Variants in ZDHHC7 observed in about 807,000 individuals in gnomAD.
ZDHHC7 encodes palmitoyltransferase ZDHHC7.
Under a neutral mutation model 34.1 loss-of-function variants are expected in ZDHHC7, and 12 were observed. That is an observed-to-expected ratio of 0.35 (90% confidence interval 0.23 to 0.57). ZDHHC7 has a LOEUF of 0.57. Among genes scored for constraint, ZDHHC7 ranks in the 20% least tolerant of loss-of-function variants. The pLI is 0.84. For synonymous variants in ZDHHC7, 185 were observed against 155.4 expected (o/e 1.19, Z -1.42); for missense variants, 388 against 402.7 (o/e 0.96, Z 0.31).
At chr16:85,025,144 G>A in the ZDHHC7 span, among the ~76,000 whole-genome samples, 16 of 152,172 alleles carry the variant, frequency 1.1e-4, no homozygotes, top group African/African-American at 3.1e-4. Flanking sequence ...CAGGCATGGC[G>A]GTGCGCACCT....
chr16:84,984,446 A>C (rs1307688598), intron 3 of ZDHHC7, among the ~76,000 whole-genome samples: 1 of 152,196 alleles, frequency 6.6e-6, no homozygotes, highest in East Asian at 1.9e-4. Context: ...CCTCAGAGGA[A>C]ATGGGCCAGA....
the ZDHHC7 span, among the ~76,000 whole-genome samples, chr16:85,023,700 C>T: frequency 2.0e-5 from 3 of 152,182 alleles, no homozygotes; most frequent in East Asian, 3.9e-4. Flanking sequence ...CTCACTGCAA[C>T]CTTGACCTCC....
the ZDHHC7 span, among the ~76,000 whole-genome samples, chr16:85,025,650 C>T: frequency 6.6e-6 from 1 of 152,144 alleles, no homozygotes; most frequent in Non-Finnish European, 1.5e-5. Flanking sequence ...CCTCATGATC[C>T]GCCCGCCTCG....
Position 84,979,203 on chromosome 16 carries a change from A to G in ZDHHC7, c.523T>C (p.Phe175Leu), listed in dbSNP as rs968553267. 1 of 1,597,914 alleles carries G rather than the reference A, an allele frequency of 6.3e-7. No homozygotes were observed. The highest frequency in any genetic ancestry group is 8.5e-7 in the Non-Finnish European group (1 of 1,175,942). The change falls in exon 5 of 8, where the codon TTT (phenylalanine) becomes CTT (leucine). Residue 175 changes from phenylalanine to leucine, a missense_variant. Coordinates refer to ENST00000313732, the MANE Select transcript of ZDHHC7 (RefSeq NM_017740.3). ...TTTTTACTTACAGTGAAGAGCACAA[A>G]AAATCTTTGATTCTTTTCTCCTACA... ...NCVGEKNQRFFVLFTMYIALS... is the reference protein window; with the variant it reads ...NCVGEKNQRFLVLFTMYIALS...
chr16:84,981,266 G>A (rs1337668791), intron 4 of ZDHHC7, among the ~76,000 whole-genome samples: 6 of 152,218 alleles, frequency 3.9e-5, no homozygotes, highest in African/African-American at 1.4e-4. Flanking sequence ...GGCTACTTGA[G>A]CCAGGCAGAT....
chr16:85,013,203 C>T (rs192115753), upstream of ZDHHC7, among the ~76,000 whole-genome samples: 2 of 152,122 alleles, frequency 1.3e-5, no homozygotes, highest in Non-Finnish European at 2.9e-5. Context: ...ACTCCTTTGT[C>T]CTGTCATTTC....
At chr16:84,978,146 T>C (rs1023731706) in intron 5 of ZDHHC7, 141 bp from the exon 6 acceptor site, 23 of 575,532 alleles carry the variant, frequency 4.0e-5, no homozygotes, top group Non-Finnish European at 9.2e-6. Context: ...CAAGCGATTC[T>C]CCTGCCTCAG....
At chr16:85,000,193 T>G (rs1353985665) in intron 1 of ZDHHC7, among the ~76,000 whole-genome samples, 1 of 152,016 alleles carries the variant, frequency 6.6e-6, no homozygotes, top group East Asian at 1.9e-4. Context: ...CATGCCTCAA[T>G]TAAAAACATG....
At chr16:85,006,296 C>T (rs548068426) in intron 1 of ZDHHC7, among the ~76,000 whole-genome samples, 92 of 152,238 alleles carry the variant, frequency 6.0e-4, no homozygotes, top group African/African-American at 2.2e-3. Flanking sequence ...GCGTTCAAGG[C>T]TGCAGTGAGC....
chr16:85,024,237 T>TG, the ZDHHC7 span, among the ~76,000 whole-genome samples: 38 of 147,068 alleles, frequency 2.6e-4, no homozygotes, highest in South Asian at 7.3e-3. Context: ...TTTGTTTTTT[T>TG]TTTTTTTTTT....
the ZDHHC7 span, among the ~76,000 whole-genome samples, chr16:85,025,659 C>T: frequency 6.6e-6 from 1 of 152,168 alleles, no homozygotes; most frequent in Non-Finnish European, 1.5e-5. Context: ...CCGCCCGCCT[C>T]GACCTCCCAA....
chr16:85,008,968 C>T (rs1387451755), intron 1 of ZDHHC7, among the ~76,000 whole-genome samples: 1 of 151,548 alleles, frequency 6.6e-6, no homozygotes, highest in Non-Finnish European at 1.5e-5. Context: ...TCGCTTTAAC[C>T]CAGGAGGTAG....
chr16:84,998,125 G>C (rs770157319), intron 1 of ZDHHC7, among the ~76,000 whole-genome samples: 1 of 151,000 alleles, frequency 6.6e-6, no homozygotes. Context: ...TTAGCCGGGC[G>C]TGGTGGCGGG....
At chr16:84,981,769 G>C (rs2072371727) in intron 4 of ZDHHC7, 101 bp downstream of exon 4, 1 of 1,589,868 alleles carries the variant, frequency 6.3e-7, no homozygotes, top group African/African-American at 1.3e-5. Context: ...AGATGCTCGG[G>C]GGCCATGTAC....
chr16:84,980,150 G>A (rs1411605450), intron 4 of ZDHHC7, among the ~76,000 whole-genome samples: 3 of 151,030 alleles, frequency 2.0e-5, no homozygotes, highest in Non-Finnish European at 4.4e-5. Flanking sequence ...ATTTTTAGTA[G>A]AGATGGGGGT....
In ZDHHC7 at chr16:85,002,428, G is replaced by A. The variant is rs927995129; in HGVS notation, c.-103-6421C>T. 5.3e-5 allele frequency among the ~76,000 whole-genome samples: 8 copies of A among 152,134 alleles called. No homozygotes were observed. The South Asian group carries it at 6.2e-4, about 12-fold the overall frequency. ...GAACACAGCCTTGACAGGCTGTGGC[G>A]AGACAGGCCCTCTAACTGCATCACC... is the stretch of plus-strand genomic sequence containing the variant. On this transcript the variant is annotated intron_variant, in intron 1 of 7. Coordinates refer to ENST00000313732, the MANE Select transcript of ZDHHC7 (RefSeq NM_017740.3).
At chr16:85,025,957 T>C in the ZDHHC7 span, among the ~76,000 whole-genome samples, 1 of 152,338 alleles carries the variant, frequency 6.6e-6, no homozygotes, top group East Asian at 1.9e-4. Flanking sequence ...CCAGGCCCAA[T>C]GTCAGGTTCA....
chr16:85,027,338 A>G, the ZDHHC7 span, among the ~76,000 whole-genome samples: 1 of 152,178 alleles, frequency 6.6e-6, no homozygotes, highest in African/African-American at 2.4e-5. Flanking sequence ...GGTTAATAAC[A>G]TGCCTTCGCC....
the ZDHHC7 span, among the ~76,000 whole-genome samples, chr16:85,020,420 T>A: frequency 6.6e-6 from 1 of 152,190 alleles, no homozygotes; most frequent in Non-Finnish European, 1.5e-5. Context: ...AAATGCATAA[T>A]TGCAAACGTG....
Sources: allele counts gnomAD v4.1 joint callset (sites outside exome capture counted in the v4.1 genomes callset), GRCh38; gene constraint gnomAD v4.1.1; transcripts MANE v1.5; gene names NCBI Gene and HGNC (gene_info 2026-07-23, HGNC 2026-07-21).